Variants in SH3RF2 observed in about 807,000 individuals in gnomAD.
SH3RF2 encodes the protein E3 ubiquitin-protein ligase SH3RF2.
SH3RF2 carries 43 observed loss-of-function variants against 59.0 expected under a neutral mutation model. The ratio of observed to expected loss-of-function variants is 0.73; its 90% CI spans 0.57 to 0.94. The LOEUF (loss-of-function observed/expected upper bound fraction) is 0.94. Ranked by LOEUF, SH3RF2 falls within the 40% of genes least tolerant of loss-of-function variation. The pLI, the probability that SH3RF2 is intolerant of heterozygous loss-of-function variation, is 0.00. For missense variants in SH3RF2, 930 were observed against 940.1 expected (o/e 0.99, Z 0.14); for synonymous variants, 391 against 391.5 (o/e 1.00, Z 0.01).
intron 2 of SH3RF2, among the ~76,000 whole-genome samples, chr5:145,949,199 TG>T (rs1261794957): frequency 1.3e-4 from 19 of 151,546 alleles, no homozygotes; most frequent in African/African-American, 4.4e-4. Flanking sequence ...AATTGGGAGG[TG>T]AAAAAAGAAG....
intron 9 of SH3RF2, among the ~76,000 whole-genome samples, chr5:146,072,920 G>A (rs1763268146): frequency 6.6e-6 from 1 of 152,154 alleles, no homozygotes; most frequent in Admixed American, 6.5e-5. Flanking sequence ...TCCTCAAGTG[G>A]TTTGGTGGGG....
intron 4 of SH3RF2, among the ~76,000 whole-genome samples, chr5:146,008,263 T>C (rs960081279): frequency 5.3e-5 from 8 of 152,294 alleles, no homozygotes; most frequent in African/African-American, 1.9e-4. Flanking sequence ...AGCAGAGCTA[T>C]TAATCATGTT....
chr5:146,040,513 C>T (rs775350958), intron 5 of SH3RF2, among the ~76,000 whole-genome samples: 6 of 151,946 alleles, frequency 3.9e-5, no homozygotes, highest in Non-Finnish European at 7.4e-5. Flanking sequence ...AAAGGTGAGG[C>T]TGGAGAGCAA....
intron 2 of SH3RF2, among the ~76,000 whole-genome samples, chr5:145,945,031 G>T (rs1004695974): frequency 6.6e-6 from 1 of 152,150 alleles, no homozygotes; most frequent in African/African-American, 2.4e-5. Context: ...CAACTAGTCA[G>T]TATACCTGTA....
At chr5:146,055,804 G>A (rs1042687068) in intron 7 of SH3RF2, 177 bp from the exon 8 acceptor site, 17 of 680,580 alleles carry the variant, frequency 2.5e-5, no homozygotes, top group Non-Finnish European at 3.9e-5. Context: ...GTAGGGAGGT[G>A]GGGCCAACTT....
intron 5 of SH3RF2, among the ~76,000 whole-genome samples, chr5:146,024,063 T>C (rs1469428005): frequency 6.6e-6 from 1 of 152,252 alleles, no homozygotes; most frequent in Admixed American, 6.5e-5. Flanking sequence ...AATGCTGCTA[T>C]GGAACATTTG....
intron 5 of SH3RF2, among the ~76,000 whole-genome samples, chr5:146,047,086 T>C (rs1343239046): frequency 1.3e-5 from 2 of 152,210 alleles, no homozygotes; most frequent in African/African-American, 4.8e-5. Flanking sequence ...TTTATCATTA[T>C]TGTTTCCTCT....
At chr5:145,997,932 C>G (rs574307627) in intron 2 of SH3RF2, 3 of 809,196 alleles carry the variant, frequency 3.7e-6, no homozygotes, top group African/African-American at 3.4e-5. Flanking sequence ...AGGTGCTACA[C>G]AGTTTATGCC....
At chr5:146,024,247 A>G (rs1761443163) in intron 5 of SH3RF2, among the ~76,000 whole-genome samples, 1 of 152,172 alleles carries the variant, frequency 6.6e-6, no homozygotes, top group Non-Finnish European at 1.5e-5. Flanking sequence ...CACTTGTTTT[A>G]TTATCAATCT....
At chr5:146,079,804 C>T (rs1476642711) in exon 10 of SH3RF2, 1 of 152,260 alleles carries the variant, frequency 6.6e-6, no homozygotes, top group Non-Finnish European at 1.5e-5. Flanking sequence ...AGAGTTCTGG[C>T]TTTATCTGCC....
chr5:146,018,534 TTTTC>T (rs1761194395), intron 5 of SH3RF2, among the ~76,000 whole-genome samples: 1 of 151,828 alleles, frequency 6.6e-6, no homozygotes, highest in East Asian at 1.9e-4. Flanking sequence ...ACACACCACA[TTTTC>T]TTTATCCATT....
At position 146,000,969 on chromosome 5, in the gene SH3RF2, G is replaced by A. The variant is rs148782076; in HGVS notation, c.648+642G>A. ...AGGGTATTCTTGCAACCAAGTTATGGTTACCTAATTCTACTCATTTACATT... is the reference window on the plus strand; with the variant it reads ...AGGGTATTCTTGCAACCAAGTTATGATTACCTAATTCTACTCATTTACATT... On this transcript the variant is annotated intron_variant, in intron 3 of 9. Coordinates refer to ENST00000359120, the MANE Select transcript of SH3RF2 (RefSeq NM_152550.4). 6.9e-3 allele frequency among the ~76,000 whole-genome samples: 1,052 copies of A among 152,230 alleles called. 6 individuals are homozygous for A. Among genetic ancestry groups the A allele is most frequent in the Non-Finnish European group, 0.011 (764 of 68,008 alleles).
chr5:145,977,640 A>G (rs905213107), intron 2 of SH3RF2, among the ~76,000 whole-genome samples: 2 of 152,232 alleles, frequency 1.3e-5, no homozygotes, highest in African/African-American at 4.8e-5. Flanking sequence ...CAGTATCCCC[A>G]TATGGCTGGT....
rs1405378041 is a variant in SH3RF2 at position 146,002,535 on chromosome 5, A to AGGAG, written c.649-1520_649-1519insGGGA. Among the ~76,000 whole-genome samples, 282 of 143,360 alleles carry AGGAG rather than the reference A, an allele frequency of 2.0e-3. 2 individuals carry two copies. Among genetic ancestry groups the AGGAG allele is most frequent in the African/African-American group, 7.2e-3 (273 of 37,826 alleles). The allele number at this position is 143,360 out of a possible 152,430, so 94.0% of individuals were successfully genotyped here. ...AAGGAAGGAAGGAAGGAAGGAAGGA[A>AGGAG]GGATAACCTATAAATGCATAATTGC... On this transcript the variant is annotated intron_variant, in intron 3 of 9. Coordinates refer to ENST00000359120, the MANE Select transcript of SH3RF2 (RefSeq NM_152550.4).
At chr5:145,956,388 G>A (rs59173235) in intron 2 of SH3RF2, among the ~76,000 whole-genome samples, 1,774 of 152,238 alleles carry the variant, frequency 0.012, 34 homozygotes, top group African/African-American at 0.04. Context: ...CAATTCTCCT[G>A]CCTCAGGCCT....
In SH3RF2 at chr5:146,013,866, C is replaced by G; in HGVS notation, c.864C>G (p.Gly288=). ...SRGNTSTLRR[G]PGSRRKVPGQ... The stretch of plus-strand genomic sequence containing the variant: ...GCAACACGTCTACCCTCCGTAGGGG[C>G]CCAGGGTCCAGGAGGAAGGTGCCTG... Residue 288 remains glycine (G), a synonymous_variant, in exon 5 of 10, where the codon GGC becomes GGG. Transcript: ENST00000359120. The G allele has an allele frequency of 6.2e-7, 1 of 1,614,180 alleles. No homozygotes were observed. Among genetic ancestry groups the G allele is most frequent in the East Asian group, 2.2e-5 (1 of 44,880 alleles).
Position 146,062,604 on chromosome 5 carries a change from G to A in SH3RF2, c.2093G>A (p.Gly698Glu), listed in dbSNP as rs1458848981. ...LFAHRSGCHS[G>E]QQTDLRRKSA... ...GCCCACCGAAGTGGCTGCCACTCCG[G>A]ACAGCAGACAGACCTCCGGAGAAAG... Residue 698 changes from glycine (G) to glutamate (E), a missense_variant, in exon 10 of 10, where the codon GGA becomes GAA. Coordinates refer to ENST00000359120, the MANE Select transcript of SH3RF2 (RefSeq NM_152550.4). 6.2e-7 allele frequency: 1 copy of A among 1,614,150 alleles called. No individual in the cohort carries two copies. The highest frequency in any genetic ancestry group is 2.2e-5 in the East Asian group (1 of 44,868).
chr5:146,009,005 T>C (rs1015929650), intron 4 of SH3RF2, among the ~76,000 whole-genome samples: 1 of 152,250 alleles, frequency 6.6e-6, no homozygotes, highest in East Asian at 1.9e-4. Context: ...TGTATAGATG[T>C]GCCAGAGCTT....
rs181599461 is a variant in SH3RF2, at chr5:145,943,310, G to T, written c.378+5004G>T. Among the ~76,000 whole-genome samples the T allele has an allele frequency of 6.2e-3, 948 of 151,990 alleles. 7 individuals carry two copies. Among genetic ancestry groups the T allele is most frequent in the Non-Finnish European group, 0.011 (718 of 67,982 alleles). ...GACAAAACTGTAGTGATGAGAAATAGGTCAGTGGTAGCCAGGGGTTATGGA... is the reference window on the plus strand; with the variant it reads ...GACAAAACTGTAGTGATGAGAAATATGTCAGTGGTAGCCAGGGGTTATGGA... On this transcript the variant is annotated intron_variant, in intron 2 of 9. Transcript: ENST00000359120.
Sources: gnomAD v4.1 joint callset for allele counts (sites outside exome capture counted in the v4.1 genomes callset) on GRCh38, gnomAD v4.1.1 for gene constraint, MANE v1.5 for transcripts, NCBI Gene and HGNC (gene_info 2026-07-23, HGNC 2026-07-21) for gene names.